VWA3A: variants seen among roughly 807,000 people sequenced by gnomAD.
VWA3A encodes the protein von Willebrand factor A domain-containing protein 3A.
A neutral mutation model predicts 160.4 loss-of-function variants in VWA3A; 134 were observed. The ratio of observed to expected loss-of-function variants is 0.84; its 90% CI spans 0.73 to 0.96. VWA3A has a LOEUF of 0.96. VWA3A is among the 40% of genes least tolerant of loss of function. The pLI is 0.00. For synonymous variants in VWA3A, 476 were observed against 543.4 expected (o/e 0.88, Z 1.72); for missense variants, 1,310 against 1,447.9 (o/e 0.90, Z 1.55).
At chr16:22,120,691 T>C (rs1359123197) in intron 12 of VWA3A, among the ~76,000 whole-genome samples, 1 of 151,994 alleles carries the variant, frequency 6.6e-6, no homozygotes, top group African/African-American at 2.4e-5. Context: ...CACCTTGGAG[T>C]CCATGGTGCT....
At position 22,118,960 on chromosome 16, in the gene VWA3A, T is replaced by A. The variant is rs1484494286; in HGVS notation, c.1049T>A (p.Leu350His). The change falls in exon 12 of 34, where the codon CTC becomes CAC. Residue 350 changes from leucine (L) to histidine (H), a missense_variant. By Grantham distance (99) the Leu-to-His change is moderately conservative. Transcript: ENST00000389398. ...GCAGAAATTCAGAAGGCCCAGAGCC[T>A]CCTCAGCCACGTGCAAGCCCTGCAG... is the stretch of plus-strand genomic sequence containing the variant. ...LLAEIQKAQS[L>H]LSHVQALQHS... The A allele has an allele frequency of 6.2e-7, 1 of 1,613,858 alleles. No individual in the cohort carries two copies. Among genetic ancestry groups the A allele is most frequent in the South Asian group, 1.1e-5 (1 of 91,074 alleles).
chr16:22,142,809 G>A (rs1341782020), intron 25 of VWA3A, 44 bp downstream of exon 25: 6 of 1,423,258 alleles, frequency 4.2e-6, no homozygotes, highest in Non-Finnish European at 5.8e-6. Context: ...AAGCAATAGA[G>A]TAGTTCTGTC....
intron 22 of VWA3A, among the ~76,000 whole-genome samples, chr16:22,139,043 G>A (rs1419401421): frequency 6.6e-6 from 1 of 152,086 alleles, no homozygotes; most frequent in Admixed American, 6.6e-5. Flanking sequence ...ACCTGTGCTT[G>A]TGAGCAGACT....
intron 29 of VWA3A, among the ~76,000 whole-genome samples, chr16:22,150,136 T>A (rs1168863170): frequency 6.6e-6 from 1 of 152,140 alleles, no homozygotes; most frequent in Non-Finnish European, 1.5e-5. Context: ...GTGCGGTGGC[T>A]CACACCTGTA....
chr16:22,104,632 A>AT (rs1399003704), intron 6 of VWA3A, among the ~76,000 whole-genome samples: 3 of 152,124 alleles, frequency 2.0e-5, no homozygotes, highest in African/African-American at 2.4e-5. Context: ...GTGAGCTATG[A>AT]TTTTGCCACT....
intron 25 of VWA3A, among the ~76,000 whole-genome samples, chr16:22,144,023 G>T (rs527333824): frequency 6.6e-6 from 1 of 152,050 alleles, no homozygotes; most frequent in South Asian, 2.1e-4. Flanking sequence ...TAGGATTACA[G>T]GCATGAGCCA....
intron 31 of VWA3A, 77 bp downstream of exon 31, chr16:22,152,711 C>T: frequency 1.3e-6 from 2 of 1,531,344 alleles, no homozygotes; most frequent in Non-Finnish European, 8.8e-7. Context: ...GGTTTTCCTT[C>T]TTGAACTCCT....
At chr16:22,123,334 G>T in intron 15 of VWA3A, 169 bp downstream of exon 15, 1 of 1,151,304 alleles carries the variant, frequency 8.7e-7, no homozygotes, top group Non-Finnish European at 1.2e-6. Flanking sequence ...TCCTCCCCAA[G>T]CAGGGACCTC....
In VWA3A at chr16:22,149,835, G is replaced by T; in HGVS notation, c.3033G>T (p.Thr1011=). 6.2e-7 allele frequency: 1 copy of T among 1,602,986 alleles called. No individual in the cohort carries two copies. The highest frequency in any genetic ancestry group is 8.5e-7 in the Non-Finnish European group (1 of 1,174,908). The change falls in exon 29 of 34, where the codon ACG becomes ACT. Residue 1011 remains threonine (T), a synonymous_variant. Transcript: ENST00000389398. ...FAESFQSWQD[T]LVETTDAACH... is the part of the protein sequence containing the mutation. Reference sequence around the variant, plus strand: ...AGAGCTTTCAGTCATGGCAGGACACGCTGGTGGAGACCACAGATGCAGCGT... The same window carrying T: ...AGAGCTTTCAGTCATGGCAGGACACTCTGGTGGAGACCACAGATGCAGCGT...
chr16:22,150,919 C>A, intron 30 of VWA3A, 73 bp downstream of exon 30: 2 of 1,494,710 alleles, frequency 1.3e-6, no homozygotes, highest in Non-Finnish European at 1.8e-6. Flanking sequence ...AGATCCAAGC[C>A]CCTCACCTAA....
rs2045282118 is a variant in VWA3A, at chr16:22,094,300, G to A, written c.14+1649G>A. 2.0e-5 allele frequency among the ~76,000 whole-genome samples: 3 copies of A among 151,634 alleles called. No individual in the cohort carries two copies. In the South Asian group the frequency reaches 6.2e-4, roughly 31 times the overall value. ...TCTGCCATTAGAGTCTCCCAGGAAAGCTTGCTGAAGTAAAGCCAGTTTTTT... is the reference window on the plus strand; with the variant it reads ...TCTGCCATTAGAGTCTCCCAGGAAAACTTGCTGAAGTAAAGCCAGTTTTTT... On this transcript the variant is annotated intron_variant, in intron 1 of 33. Transcript: ENST00000389398.
In VWA3A at chr16:22,150,622, C is replaced by A. The variant is rs2046331748; in HGVS notation, c.3130-73C>A. 6 of 1,509,184 alleles carry A rather than the reference C, an allele frequency of 4.0e-6. No homozygotes were observed. In the African/African-American group the frequency reaches 4.2e-5, roughly 10 times the overall value. The allele number at this position is 1,509,184 out of a possible 1,614,324, so 93.5% of individuals were successfully genotyped here. On this transcript the variant is annotated intron_variant, in intron 29 of 33. Coordinates refer to ENST00000389398, the MANE Select transcript of VWA3A (RefSeq NM_173615.5). ...TGGCAGAGGCGGCAGCAGGCACTAC[C>A]TTTAGGCATTTGGTTCTTGTGTTCT...
intron 30 of VWA3A, among the ~76,000 whole-genome samples, chr16:22,152,068 G>A (rs375418600): frequency 1.3e-5 from 2 of 152,146 alleles, no homozygotes; most frequent in African/African-American, 2.4e-5. Flanking sequence ...AAAATGAGCC[G>A]GGCGTGGTGG....
intron 17 of VWA3A, among the ~76,000 whole-genome samples, chr16:22,126,775 A>G (rs550398388): frequency 6.6e-6 from 1 of 152,272 alleles, no homozygotes; most frequent in African/African-American, 2.4e-5. Context: ...TGGGAGGCCG[A>G]GACAGGAGGA....
Position 22,123,619 on chromosome 16 carries a change from C to G in VWA3A, c.1444C>G (p.Leu482Val). ...PPFLYKYQQQ[L>V]SRAMRMYERR... The stretch of plus-strand genomic sequence containing the variant: ...GTGGCCCACACTTCTGCAGCAACAG[C>G]TCAGCAGAGCTATGCGGATGTATGA... Residue 482 changes from leucine (L) to valine (V), a missense_variant, in exon 16 of 34, where the codon CTC (leucine) becomes GTC (valine). Leu to Val is a conservative substitution (Grantham distance 32). Transcript: ENST00000389398. The G allele has an allele frequency of 6.2e-7, 1 of 1,613,918 alleles. No homozygotes were observed. The highest frequency in any genetic ancestry group is 8.5e-7 in the Non-Finnish European group (1 of 1,179,858).
In VWA3A at chr16:22,118,917, G is replaced by T; in HGVS notation, c.1006G>T (p.Asp336Tyr). Residue 336 changes from aspartate (D) to tyrosine (Y), a missense_variant, in exon 12 of 34, where the codon GAC becomes TAC. Coordinates refer to ENST00000389398, the MANE Select transcript of VWA3A (RefSeq NM_173615.5). ...CCACCCTCAGCACTACACCAGCCGG[G>T]ACATGGATGAGCTCCTGGCAGAAAT... ...SPKMEHYTSR[D>Y]MDELLAEIQK... 6.2e-7 allele frequency: 1 copy of T among 1,613,912 alleles called. No homozygotes were observed. Among genetic ancestry groups the T allele is most frequent in the Non-Finnish European group, 8.5e-7 (1 of 1,179,868 alleles).
At chr16:22,154,956 G>A (rs1218690318) in intron 31 of VWA3A, among the ~76,000 whole-genome samples, 8 of 74,202 alleles carry the variant, frequency 1.1e-4, no homozygotes, top group South Asian at 6.3e-4. Flanking sequence ...GCGAGACTCC[G>A]TCTCAAAAAA....
At chr16:22,126,127 A>G in intron 16 of VWA3A, 51 bp from the exon 17 acceptor site, 2 of 1,606,110 alleles carry the variant, frequency 1.2e-6, no homozygotes, top group Non-Finnish European at 1.7e-6. Context: ...AACAAAATAA[A>G]CATTATCTCA....
chr16:22,106,445 C>T (rs2045483531), intron 6 of VWA3A, among the ~76,000 whole-genome samples: 1 of 151,962 alleles, frequency 6.6e-6, no homozygotes, highest in South Asian at 2.1e-4. Context: ...GAAGAGGAGG[C>T]ATTTGAACAG....
Sources: gnomAD v4.1 joint callset for allele counts (sites outside exome capture counted in the v4.1 genomes callset) on GRCh38, gnomAD v4.1.1 for gene constraint, MANE v1.5 for transcripts, NCBI Gene and HGNC (gene_info 2026-07-23, HGNC 2026-07-21) for gene names.